Variants in RASGRP2 observed in about 807,000 individuals in gnomAD.
The protein encoded by RASGRP2 is RAS guanyl releasing protein 2.
RASGRP2 carries 44 observed loss-of-function variants against 71.0 expected under a neutral mutation model. The ratio of observed to expected loss-of-function variants is 0.62; its 90% CI spans 0.49 to 0.80. The LOEUF is 0.80. Among genes scored for constraint, RASGRP2 ranks in the 30% least tolerant of loss-of-function variants. The pLI, the probability that RASGRP2 is intolerant of heterozygous loss-of-function variation, is 0.00. For synonymous variants in RASGRP2, 350 were observed against 330.7 expected (o/e 1.06, Z -0.63); for missense variants, 663 against 813.4 (o/e 0.82, Z 2.25).
chr11:64,736,560 A>T (rs933232862), intron 9 of RASGRP2, among the ~76,000 whole-genome samples, 193 bp downstream of exon 9: 1 of 152,154 alleles, frequency 6.6e-6, no homozygotes, highest in African/African-American at 2.4e-5. Context: ...CAGCCTGGAG[A>T]TCAGACCTCA....
At chr11:64,741,886 C>T (rs1483537336) in intron 3 of RASGRP2, 124 bp downstream of exon 3, 8 of 865,468 alleles carry the variant, frequency 9.2e-6, no homozygotes, top group East Asian at 2.6e-5. Context: ...TGGGACGACG[C>T]CTGAGCTCTG....
chr11:64,742,985 G>A lies in RASGRP2; in HGVS notation c.-71-48C>T, dbSNP rs936393883. ...GGAGTCTGCGGAGTCGCGGGCGGGG[G>A]AGCGGCCCCGCGGGCAGAAACGGGG... is the stretch of plus-strand genomic sequence containing the variant. On this transcript the variant is annotated intron_variant, in intron 1 of 16. Transcript: ENST00000394432. This position sits in a 1 kb window ranked among gnomAD's most constrained non-coding sequence, Gnocchi z 4.7. The A allele has an allele frequency of 2.7e-6, 4 of 1,505,346 alleles. No individual in the cohort carries two copies. The highest frequency in any genetic ancestry group is 4.2e-5 in the Admixed American group (2 of 47,818). The allele number at this position is 1,505,346 out of a possible 1,614,324, so 93.2% of individuals were successfully genotyped here.
rs1311336907 is a variant in RASGRP2, at chr11:64,739,911, C to T, written c.522+102G>A. ...ACCTTCAGTGGTTACACTGAAACCCCTGATGCACCCTGTGACCCAGCCTAC... is the reference window on the plus strand; with the variant it reads ...ACCTTCAGTGGTTACACTGAAACCCTTGATGCACCCTGTGACCCAGCCTAC... On this transcript the variant is annotated intron_variant, in intron 6 of 16. Transcript: ENST00000394432. This position sits in a 1 kb window ranked among gnomAD's most constrained non-coding sequence, Gnocchi z 4.2. 6.2e-7 allele frequency: 1 copy of T among 1,607,620 alleles called. No homozygotes were observed. The highest frequency in any genetic ancestry group is 1.3e-5 in the African/African-American group (1 of 74,746).
chr11:64,730,134 C>T lies in RASGRP2; in HGVS notation c.1473G>A (p.Leu491=), dbSNP rs1451579237. The T allele has an allele frequency of 6.4e-7, 1 of 1,551,504 alleles. No individual in the cohort carries two copies. The highest frequency in any genetic ancestry group is 8.7e-7 in the Non-Finnish European group (1 of 1,147,020). The change falls in exon 13 of 17, where the codon TTG becomes TTA. Residue 491 remains leucine, a synonymous_variant. Transcript: ENST00000394432. ...TGTGTACGAAGCCCATGCGCCCCCC[C>T]AACACAGAGCTGGAGCGCAGGAAAT... ...VSYFLRSSSV[L]GGRMGFVHNF...
chr11:64,742,108 G>A lies in RASGRP2; in HGVS notation c.78C>T (p.Asp26=). The A allele has an allele frequency of 6.3e-7, 1 of 1,591,394 alleles. No homozygotes were observed. Among genetic ancestry groups the A allele is most frequent in the Non-Finnish European group, 8.6e-7 (1 of 1,169,148 alleles). ...GCTGCGGGTCCCGCACCTTCCCGGAGTCATCTGACTCCGAAGGGTCAAAGA... is the reference window on the plus strand; with the variant it reads ...GCTGCGGGTCCCGCACCTTCCCGGAATCATCTGACTCCGAAGGGTCAAAGA... ...LLRGCIEAFD[D]SGKVRDPQLV... is the part of the protein sequence containing the mutation. The change falls in exon 3 of 17, where the codon GAC becomes GAT. Residue 26 remains aspartate, a synonymous_variant. Coordinates refer to ENST00000394432, the MANE Select transcript of RASGRP2 (RefSeq NM_001098671.2). The surrounding 1 kb of genome is among the most constrained non-coding windows in gnomAD (Gnocchi z 4.7).
intron 12 of RASGRP2, among the ~76,000 whole-genome samples, chr11:64,733,252 T>C (rs1275360748): frequency 6.6e-6 from 1 of 151,982 alleles, no homozygotes; most frequent in African/African-American, 2.4e-5. Flanking sequence ...AAGAAAGAAA[T>C]GGAAACACCC....
At chr11:64,734,979 T>C in intron 12 of RASGRP2, 133 bp downstream of exon 12, 1 of 751,804 alleles carries the variant, frequency 1.3e-6, no homozygotes, top group Non-Finnish European at 2.4e-6. Context: ...GCAAGTGCCC[T>C]TTCCCACACT....
chr11:64,740,074 T>C lies in RASGRP2; in HGVS notation c.461A>G (p.Glu154Gly). Residue 154 changes from glutamate to glycine, a missense_variant, in exon 6 of 17, where the codon GAG (glutamate) becomes GGG (glycine). By Grantham distance (98) the Glu-to-Gly change is moderately conservative. Transcript: ENST00000394432. ...RKMSLLFDHL[E>G]PMELAEHLTY... ...GAGATGCTCCGCCAGCTCCATGGGCTCCAGGTGGTCAAACAACAGGGACAT... is the reference window on the plus strand; with the variant it reads ...GAGATGCTCCGCCAGCTCCATGGGCCCCAGGTGGTCAAACAACAGGGACAT... The C allele has an allele frequency of 6.2e-7, 1 of 1,614,096 alleles. No individual in the cohort carries two copies. The highest frequency in any genetic ancestry group is 8.5e-7 in the Non-Finnish European group (1 of 1,180,016).
At chr11:64,738,957 T>A (rs1376140456) in intron 8 of RASGRP2, among the ~76,000 whole-genome samples, 5 of 133,060 alleles carry the variant, frequency 3.8e-5, no homozygotes, top group Non-Finnish European at 6.3e-5. Context: ...ACCCCATCTC[T>A]AAAAAAAAAA....
chr11:64,743,404 GGA>G lies in RASGRP2; in HGVS notation c.-71-469_-71-468del. 2.7e-6 allele frequency: 1 copy of G among 367,670 alleles called. No homozygotes were observed. Among genetic ancestry groups the G allele is most frequent in the Admixed American group, 3.5e-5 (1 of 28,244 alleles). 22.8% of individuals were successfully genotyped at this position (367,670 alleles called of 1,614,324 possible). On this transcript the variant is annotated intron_variant, in intron 1 of 16. Coordinates refer to ENST00000394432, the MANE Select transcript of RASGRP2 (RefSeq NM_001098671.2). The surrounding 1 kb of genome is among the most constrained non-coding windows in gnomAD (Gnocchi z 4.9). Reference sequence around the variant, plus strand: ...TTTCTCCCTGGTATGGGAGGTGGGGGGAGAGAACCCAGGCGTCCTGCCCGCCT... The same window carrying G: ...TTTCTCCCTGGTATGGGAGGTGGGGGGAGAACCCAGGCGTCCTGCCCGCCT...
chr11:64,737,364 C>T (rs1592373470), intron 8 of RASGRP2: 4 of 376,758 alleles, frequency 1.1e-5, no homozygotes, highest in South Asian at 9.9e-5. Context: ...GCCACCCCGT[C>T]CAAACAGCAA....
intron 3 of RASGRP2, 132 bp from the exon 4 acceptor site, chr11:64,741,633 G>T: frequency 3.5e-6 from 3 of 855,044 alleles, no homozygotes; most frequent in Non-Finnish European, 3.9e-6. Context: ...GATGCTGGGG[G>T]TGAGGCTTGA....
intron 12 of RASGRP2, among the ~76,000 whole-genome samples, chr11:64,731,766 T>C (rs1464666692): frequency 6.6e-6 from 1 of 152,184 alleles, no homozygotes; most frequent in African/African-American, 2.4e-5. Context: ...ACTGGCAAAA[T>C]TGTGAAGCTT....
Position 64,731,062 on chromosome 11 carries a change from G to GA in RASGRP2, c.1413-869dup, listed in dbSNP as rs570875468. On this transcript the variant is annotated intron_variant, in intron 12 of 16. Transcript: ENST00000394432. ...GGAGCATTAGGATAACTGGCTATCT[G>GA]AAAAAAATATAGGGCCGAGCACAGT... Among the ~76,000 whole-genome samples the GA allele has an allele frequency of 2.0e-3, 307 of 152,170 alleles. 3 individuals are homozygous for GA. Among genetic ancestry groups the GA allele is most frequent in the African/African-American group, 2.4e-3 (98 of 41,540 alleles).
rs970336031 is a variant in RASGRP2, at chr11:64,736,677, C to T, written c.1095+76G>A. The stretch of plus-strand genomic sequence containing the variant: ...GGCCAGAACCCAGAGCCCCAGGCCA[C>T]GCCCACAGCCAGGACCTGGGGAAAC... On this transcript the variant is annotated intron_variant, in intron 9 of 16. Coordinates refer to ENST00000394432, the MANE Select transcript of RASGRP2 (RefSeq NM_001098671.2). 36 of 1,483,220 alleles carry T rather than the reference C, an allele frequency of 2.4e-5. No homozygotes were observed. The Admixed American group carries it at 5.1e-4, about 21-fold the overall frequency. 91.9% of individuals were successfully genotyped at this position (1,483,220 alleles called of 1,614,324 possible).
intron 8 of RASGRP2, chr11:64,737,396 C>T (rs1243970209): frequency 1.5e-5 from 5 of 340,236 alleles, no homozygotes; most frequent in Non-Finnish European, 1.7e-5. Context: ...ACCAGCTGGG[C>T]GTGGTGGCTC....
chr11:64,736,011 G>A (rs1398256476), intron 9 of RASGRP2, 31 bp from the exon 10 acceptor site: 6 of 1,600,090 alleles, frequency 3.7e-6, no homozygotes, highest in Non-Finnish European at 4.3e-6. Context: ...CACCCCCACT[G>A]GCCCCTGCCC....
At position 64,743,230 on chromosome 11, in the gene RASGRP2, G is replaced by A. The variant is rs2058198670; in HGVS notation, c.-71-293C>T. The A allele has an allele frequency of 3.9e-6, 2 of 510,442 alleles. No individual in the cohort carries two copies. Among genetic ancestry groups the A allele is most frequent in the Non-Finnish European group, 7.6e-6 (2 of 262,856 alleles). 31.6% of individuals were successfully genotyped at this position (510,442 alleles called of 1,614,324 possible). ...ACTGGCTGGCGCCCAGCCCCCCGCA[G>A]GGCGCCTTCTCCTCGCGCCCTCTCC... is the stretch of plus-strand genomic sequence containing the variant. On this transcript the variant is annotated intron_variant, in intron 1 of 16. Transcript: ENST00000394432. The surrounding 1 kb of genome is among the most constrained non-coding windows in gnomAD (Gnocchi z 4.9).
intron 12 of RASGRP2, among the ~76,000 whole-genome samples, chr11:64,731,820 T>C (rs1218437792): frequency 6.6e-6 from 1 of 152,244 alleles, no homozygotes; most frequent in Non-Finnish European, 1.5e-5. Flanking sequence ...AAGCAGGCAC[T>C]TGTACGCTGC....
Sources: gnomAD v4.1 joint callset for allele counts (sites outside exome capture counted in the v4.1 genomes callset) on GRCh38, gnomAD v4.1.1 for gene constraint, Gnocchi (gnomAD v3.1) non-coding constraint, MANE v1.5 for transcripts, NCBI Gene and HGNC (gene_info 2026-07-23, HGNC 2026-07-21) for gene names.